The following RGS20 variants were observed in gnomAD, a reference collection of about 807,000 sequenced individuals.
RGS20 encodes gz-selective GTPase-activating protein.
Under a neutral mutation model 33.6 loss-of-function variants are expected in RGS20, and 30 were observed. The observed-to-expected ratio is 0.89, with a 90% confidence interval of 0.67 to 1.21. RGS20 has a LOEUF of 1.21. RGS20 is among the 50% of genes most tolerant of loss of function. The pLI is 0.00. For missense variants in RGS20, 472 were observed against 502.4 expected (o/e 0.94, Z 0.58); for synonymous variants, 208 against 197.9 (o/e 1.05, Z -0.43).
intron 4 of RGS20, among the ~76,000 whole-genome samples, chr8:53,948,453 C>G (rs1424298313): frequency 3.9e-4 from 48 of 122,324 alleles, no homozygotes; most frequent in Admixed American, 2.0e-3. Context: ...TTTACATATG[C>G]TATATATGAT....
At position 53,915,917 on chromosome 8, in the gene RGS20, G is replaced by A. The variant is rs550487228; in HGVS notation, c.511-23659G>A. On this transcript the variant is annotated intron_variant, in intron 2 of 5. Transcript: ENST00000297313. ...CTGACATATTTTACCATATTTTATCGAATTCTAGATTCACTATTGTTTCTT... is the reference window on the plus strand; with the variant it reads ...CTGACATATTTTACCATATTTTATCAAATTCTAGATTCACTATTGTTTCTT... 2.8e-4 allele frequency among the ~76,000 whole-genome samples: 42 copies of A among 152,182 alleles called. No individual in the cohort carries two copies. In the South Asian group the frequency reaches 8.1e-3, roughly 29 times the overall value.
At chr8:53,934,142 CACT>C (rs1245959126) in intron 2 of RGS20, among the ~76,000 whole-genome samples, 1 of 152,144 alleles carries the variant, frequency 6.6e-6, no homozygotes, top group African/African-American at 2.4e-5. Context: ...CGGCATCAGC[CACT>C]ACAAAAATGT....
intron 2 of RGS20, among the ~76,000 whole-genome samples, chr8:53,909,256 CT>C (rs1401643199): frequency 1.6e-3 from 73 of 44,350 alleles, no homozygotes; most frequent in East Asian, 8.5e-3. Flanking sequence ...TATATATATA[CT>C]TTTTTTTTTT....
intron 2 of RGS20, among the ~76,000 whole-genome samples, chr8:53,905,532 A>T (rs576090006): frequency 6.6e-6 from 1 of 152,310 alleles, no homozygotes; most frequent in South Asian, 2.1e-4. Flanking sequence ...TCAAACTTAG[A>T]ATCGCCTCAT....
intron 3 of RGS20, among the ~76,000 whole-genome samples, chr8:53,942,649 C>T (rs907385208): frequency 1.3e-5 from 2 of 151,764 alleles, no homozygotes; most frequent in African/African-American, 4.8e-5. Context: ...TTATACAATC[C>T]ACTACCATAC....
In RGS20 at chr8:53,879,341, A is replaced by G; in HGVS notation, c.249A>G (p.Ala83=). The G allele has an allele frequency of 6.2e-7, 1 of 1,612,364 alleles. No individual in the cohort carries two copies. Among genetic ancestry groups the G allele is most frequent in the Non-Finnish European group, 8.5e-7 (1 of 1,179,908 alleles). ...TTTCTAGCCCGCTTTCCAGCCTCGC[A>G]AGGTTCTTCTCTCACCTTCTCCGGC... Residue 83 remains alanine, a synonymous_variant, in exon 2 of 6, where the codon GCA becomes GCG. Coordinates refer to ENST00000297313, the MANE Select transcript of RGS20 (RefSeq NM_170587.4).
At chr8:53,900,028 C>T (rs549183780) in intron 2 of RGS20, among the ~76,000 whole-genome samples, 38 of 152,242 alleles carry the variant, frequency 2.5e-4, no homozygotes, top group Non-Finnish European at 4.4e-4. Flanking sequence ...TCACCGCTTG[C>T]GTGTCCTTGA....
chr8:53,937,070 T>A (rs928751532), intron 2 of RGS20, among the ~76,000 whole-genome samples: 1 of 151,924 alleles, frequency 6.6e-6, no homozygotes, highest in African/African-American at 2.4e-5. Context: ...GGGTTCTCAC[T>A]CATAGGTGGG....
chr8:53,853,351 A>T (rs1316639822), intron 1 of RGS20, among the ~76,000 whole-genome samples: 6 of 152,190 alleles, frequency 3.9e-5, no homozygotes, highest in Admixed American at 3.9e-4. Context: ...AGACAAATAA[A>T]ATGCAAAAAT....
chr8:53,932,986 A>C (rs1331142950), intron 2 of RGS20, among the ~76,000 whole-genome samples: 2 of 152,144 alleles, frequency 1.3e-5, no homozygotes, highest in African/African-American at 4.8e-5. Flanking sequence ...TCTGGCATGG[A>C]CCTCCAGCAA....
At chr8:53,930,617 T>C in intron 2 of RGS20, among the ~76,000 whole-genome samples, 1 of 152,088 alleles carries the variant, frequency 6.6e-6, no homozygotes, top group East Asian at 1.9e-4. Context: ...ACGATCTCAG[T>C]TCACTGCAAC....
At chr8:53,944,147 T>C (rs895620830) in intron 3 of RGS20, among the ~76,000 whole-genome samples, 6 of 151,968 alleles carry the variant, frequency 3.9e-5, no homozygotes, top group Non-Finnish European at 8.8e-5. Flanking sequence ...AAACCCAAAT[T>C]GTCAGTGATA....
intron 4 of RGS20, among the ~76,000 whole-genome samples, chr8:53,948,210 TAA>T (rs199587021): frequency 0.21 from 28,957 of 136,782 alleles, 3,722 homozygotes; most frequent in South Asian, 0.39. Context: ...ATGCTATATA[TAA>T]GATAGTATAT....
At chr8:53,933,765 G>A (rs80163252) in intron 2 of RGS20, 7,568 of 152,204 alleles carry the variant, frequency 0.05, 482 homozygotes, top group African/African-American at 0.15. Context: ...AGAACACCAC[G>A]AAGATATTCC....
At chr8:53,862,159 C>T (rs985768008) in intron 1 of RGS20, among the ~76,000 whole-genome samples, 13 of 152,212 alleles carry the variant, frequency 8.5e-5, no homozygotes, top group African/African-American at 2.2e-4. Context: ...TTGGACTCTT[C>T]GCCAACATCC....
intron 2 of RGS20, among the ~76,000 whole-genome samples, chr8:53,925,382 G>GT (rs976055403): frequency 5.3e-5 from 8 of 151,964 alleles, no homozygotes; most frequent in Middle Eastern, 3.4e-3. Flanking sequence ...GAAACCAGGA[G>GT]TAAAAAAAAA....
At chr8:53,932,088 CTCTCT>C (rs1452738744) in intron 2 of RGS20, among the ~76,000 whole-genome samples, 4 of 152,218 alleles carry the variant, frequency 2.6e-5, no homozygotes, top group Non-Finnish European at 5.9e-5. Flanking sequence ...TCGGACCCCA[CTCTCT>C]TCTGGCTTGT....
intron 1 of RGS20, among the ~76,000 whole-genome samples, chr8:53,860,244 A>G (rs149213931): frequency 2.0e-5 from 3 of 152,334 alleles, no homozygotes; most frequent in African/African-American, 4.8e-5. Context: ...CAAGAAAGAA[A>G]CCCAAATCAC....
intron 2 of RGS20, among the ~76,000 whole-genome samples, chr8:53,909,209 GTATA>G (rs1178436696): frequency 0.16 from 7,136 of 43,270 alleles, 306 homozygotes; most frequent in Non-Finnish European, 0.21. Context: ...TGGTATGTGT[GTATA>G]TATATATATA....
Sources: allele counts gnomAD v4.1 joint callset (sites outside exome capture counted in the v4.1 genomes callset), GRCh38; gene constraint gnomAD v4.1.1; transcripts MANE v1.5; gene names NCBI Gene and HGNC (gene_info 2026-07-23, HGNC 2026-07-21).